The following TAPT1 variants were observed in gnomAD, a reference collection of about 807,000 sequenced individuals.
TAPT1 encodes the protein transmembrane anterior posterior transformation 1.
TAPT1 carries 28 observed loss-of-function variants against 65.6 expected under a neutral mutation model. The ratio of observed to expected loss-of-function variants is 0.43; its 90% confidence interval spans 0.32 to 0.59. TAPT1 has a LOEUF of 0.59. Ranked by LOEUF, TAPT1 falls within the 20% of genes least tolerant of loss-of-function variation. The probability of loss-of-function intolerance (pLI) is 0.09; values close to 1 mark genes in which losing one functional copy is unlikely to be tolerated. For missense variants in TAPT1, 563 were observed against 679.9 expected, an observed-to-expected ratio of 0.83 and a Z score of 1.91; for synonymous variants, 278 against 245.2, an observed-to-expected ratio of 1.13 and a Z score of -1.25.
In TAPT1 at chr4:16,166,680, G is replaced by A; in HGVS notation, c.1427C>T (p.Pro476Leu). ...CTGTGATTTACTGGACGGCTTGCCT[G>A]GAGTGCAGGTTGCGGGAGGATTCGA... ...KLSNPPATCT[P>L]GKPSSKSQNK... Residue 476 changes from proline (P) to leucine (L), a missense_variant, in exon 13 of 14, where the codon CCA becomes CTA. Pro to Leu is a moderately conservative substitution (Grantham distance 98). Transcript: ENST00000405303. 1 of 1,614,022 alleles carries A rather than the reference G, an allele frequency of 6.2e-7. No homozygotes were observed. The highest frequency in any genetic ancestry group is 8.5e-7 in the Non-Finnish European group (1 of 1,179,888).
chr4:16,190,660 T>C (rs1319697116), intron 4 of TAPT1: 1 of 154,902 alleles, frequency 6.5e-6, no homozygotes, highest in East Asian at 1.9e-4. Flanking sequence ...TTTCAAAGTT[T>C]ATTATATAAC....
At chr4:16,208,339 C>T (rs1750461254) in intron 2 of TAPT1, among the ~76,000 whole-genome samples, 1 of 152,210 alleles carries the variant, frequency 6.6e-6, no homozygotes, top group South Asian at 2.1e-4. Flanking sequence ...TAACCATTCT[C>T]AGTTCTTTTC....
chr4:16,190,843 T>C (rs1249437735), intron 4 of TAPT1: 1 of 154,926 alleles, frequency 6.5e-6, no homozygotes, highest in East Asian at 1.9e-4. Flanking sequence ...CTTACAAAAA[T>C]TGGGAACTTA....
In TAPT1 at chr4:16,160,813, ATGGCCTAAT is replaced by A. The variant is rs1243599437; in HGVS notation, c.*2486_*2494del. On this transcript the variant is annotated 3_prime_UTR_variant, in exon 14 of 14. Coordinates refer to ENST00000405303, the MANE Select transcript of TAPT1 (RefSeq NM_153365.3). ...ACCAGGAGTGGCAGGATATATTTTG[ATGGCCTAAT>A]TATAGCAAGTTTCTTTCACTTTATG... 1 of 152,684 alleles carries A rather than the reference ATGGCCTAAT, an allele frequency of 6.5e-6. No homozygotes were observed. Among genetic ancestry groups the A allele is most frequent in the African/African-American group, 2.4e-5 (1 of 41,472 alleles). The allele number at this position is 152,684 out of a possible 1,614,324, so 9.5% of individuals were successfully genotyped here. A position where few individuals can be genotyped will look rare whatever the true frequency, so the allele number is the denominator to read the frequency against.
In TAPT1 at chr4:16,162,037, C is replaced by T. The variant is rs1262343838; in HGVS notation, c.*1271G>A. The T allele has an allele frequency of 6.6e-6, 1 of 152,164 alleles. No individual in the cohort carries two copies. The highest frequency in any genetic ancestry group is 1.5e-5 in the Non-Finnish European group (1 of 68,032). 9.4% of individuals were successfully genotyped at this position (152,164 alleles called of 1,614,324 possible). A position where few individuals can be genotyped will look rare whatever the true frequency, so the allele number is the denominator to read the frequency against. On this transcript the variant is annotated 3_prime_UTR_variant, in exon 14 of 14. Coordinates refer to ENST00000405303, the MANE Select transcript of TAPT1 (RefSeq NM_153365.3). ...TGGGAAATAACTTCTATGATATAGA[C>T]CACAAACTAGTAATTAAGCGGAAAC... is the stretch of plus-strand genomic sequence containing the variant.
rs972675072 is a variant in TAPT1 at position 16,163,118 on chromosome 4, T to A, written c.*190A>T. The stretch of plus-strand genomic sequence containing the variant: ...CTTCCCAGACAGTCAAGGCCGGAGG[T>A]CGCTCCTGTCCTGTGGTCTGACCCT... On this transcript the variant is annotated 3_prime_UTR_variant, in exon 14 of 14. Transcript: ENST00000405303. 3.5e-5 allele frequency: 23 copies of A among 652,554 alleles called. No individual in the cohort carries two copies. Among genetic ancestry groups the A allele is most frequent in the South Asian group, 3.5e-4 (23 of 65,562 alleles). 40.4% of individuals were successfully genotyped at this position (652,554 alleles called of 1,614,324 possible).
chr4:16,226,070 G>C, intron 1 of TAPT1, 189 bp downstream of exon 1: 1 of 1,018,306 alleles, frequency 9.8e-7, no homozygotes, highest in Non-Finnish European at 1.2e-6. Flanking sequence ...CGCGCAACCC[G>C]CCCGAGGAAC....
chr4:16,187,596 G>C (rs1054795896), intron 5 of TAPT1, among the ~76,000 whole-genome samples: 80 of 150,764 alleles, frequency 5.3e-4, no homozygotes, highest in African/African-American at 1.8e-3. Flanking sequence ...CACTGTTACA[G>C]AGATAGAAAA....
rs115011595 is a variant in TAPT1 at position 16,203,476 on chromosome 4, T to C, written c.331-896A>G. 5.0e-3 allele frequency among the ~76,000 whole-genome samples: 769 copies of C among 152,312 alleles called. 8 individuals are homozygous for C. Among genetic ancestry groups the C allele is most frequent in the African/African-American group, 0.018 (748 of 41,566 alleles). On this transcript the variant is annotated intron_variant, in intron 2 of 13. Transcript: ENST00000405303. ...TTTAAAGAGGTAATTTAAGTTCCTATGTTGGTACCTTAGAATGTAACCGTG... is the reference window on the plus strand; with the variant it reads ...TTTAAAGAGGTAATTTAAGTTCCTACGTTGGTACCTTAGAATGTAACCGTG...
Position 16,166,788 on chromosome 4 carries a change from A to G in TAPT1, c.1319T>C (p.Ile440Thr), listed in dbSNP as rs775884805. The change falls in exon 13 of 14, where the codon ATA becomes ACA. Residue 440 changes from isoleucine (I) to threonine (T), a missense_variant. By Grantham distance (89) the Ile-to-Thr change is moderately conservative. Coordinates refer to ENST00000405303, the MANE Select transcript of TAPT1 (RefSeq NM_153365.3). ...ACVILFYFGL[I>T]SLKVLNSIVL... ...GATGCTATTAAGTACTTTCAGGGATATCAACCTAAAAACAGAAACAAAACA... is the reference window on the plus strand; with the variant it reads ...GATGCTATTAAGTACTTTCAGGGATGTCAACCTAAAAACAGAAACAAAACA... The G allele has an allele frequency of 2.5e-6, 4 of 1,613,460 alleles. No homozygotes were observed. The highest frequency in any genetic ancestry group is 1.7e-5 in the Admixed American group (1 of 59,988).
intron 8 of TAPT1, among the ~76,000 whole-genome samples, chr4:16,177,912 C>T (rs1748443660): frequency 6.6e-6 from 1 of 152,036 alleles, no homozygotes; most frequent in African/African-American, 2.4e-5. Context: ...AAAGCAAGTG[C>T]TCCATTTATC....
chr4:16,209,407 T>C (rs1160699746), intron 2 of TAPT1, among the ~76,000 whole-genome samples: 7 of 152,348 alleles, frequency 4.6e-5, no homozygotes, highest in Admixed American at 1.3e-4. Flanking sequence ...TCTTGGAACA[T>C]AGAAAGTACT....
At chr4:16,215,307 A>ACT (rs1553839578) in intron 1 of TAPT1, among the ~76,000 whole-genome samples, 2 of 151,182 alleles carry the variant, frequency 1.3e-5, no homozygotes, top group African/African-American at 4.9e-5. Flanking sequence ...ACAACAACAA[A>ACT]ATATATATAT....
At chr4:16,196,943 T>C (rs972985246) in intron 3 of TAPT1, among the ~76,000 whole-genome samples, 1 of 152,204 alleles carries the variant, frequency 6.6e-6, no homozygotes, top group African/African-American at 2.4e-5. Flanking sequence ...CTCTCCCTAC[T>C]TGTGCTACAG....
chr4:16,222,834 T>C (rs1370966395), intron 1 of TAPT1, among the ~76,000 whole-genome samples: 1 of 152,170 alleles, frequency 6.6e-6, no homozygotes, highest in Non-Finnish European at 1.5e-5. Flanking sequence ...GTTGAAGTTT[T>C]AGAAGTCCAG....
chr4:16,183,390 A>C (rs1237183274), intron 7 of TAPT1, among the ~76,000 whole-genome samples: 1 of 152,134 alleles, frequency 6.6e-6, no homozygotes. Flanking sequence ...TGCATACCTG[A>C]TCATTATATC....
intron 2 of TAPT1, among the ~76,000 whole-genome samples, chr4:16,205,000 C>A (rs753556270): frequency 2.6e-5 from 4 of 152,188 alleles, no homozygotes; most frequent in African/African-American, 9.7e-5. Context: ...ATTTCTACAA[C>A]CTGCTCTTAT....
intron 11 of TAPT1, among the ~76,000 whole-genome samples, chr4:16,172,562 G>C (rs114115678): frequency 0.023 from 3,427 of 152,176 alleles, 127 homozygotes; most frequent in African/African-American, 0.078. Context: ...GCTATATTAT[G>C]ATGTAATAAG....
rs937935998 is a variant in TAPT1, at chr4:16,162,907, T to C, written c.*401A>G. On this transcript the variant is annotated 3_prime_UTR_variant, in exon 14 of 14. Transcript: ENST00000405303. ...TGAAAATAGTATGAGACTGGAAAGATTACGTCGTGGTAAAAGTTTCACAGT... is the reference window on the plus strand; with the variant it reads ...TGAAAATAGTATGAGACTGGAAAGACTACGTCGTGGTAAAAGTTTCACAGT... The C allele has an allele frequency of 2.3e-6, 1 of 430,696 alleles. No individual in the cohort carries two copies. The highest frequency in any genetic ancestry group is 2.4e-5 in the Admixed American group (1 of 41,448). 26.7% of individuals were successfully genotyped at this position (430,696 alleles called of 1,614,324 possible).
Sources: allele counts gnomAD v4.1 joint callset (sites outside exome capture counted in the v4.1 genomes callset), GRCh38; gene constraint gnomAD v4.1.1; transcripts MANE v1.5; gene names NCBI Gene and HGNC (gene_info 2026-07-23, HGNC 2026-07-21).